Variants in PDGFRB observed in about 807,000 individuals in gnomAD.
PDGFRB encodes platelet derived growth factor receptor beta.
PDGFRB carries 42 observed loss-of-function variants against 120.2 expected under a neutral mutation model. That is an observed-to-expected ratio of 0.35 (90% CI 0.27 to 0.45). The LOEUF is 0.45. Ranked by LOEUF, PDGFRB falls within the 20% of genes least tolerant of loss-of-function variation. The probability of loss-of-function intolerance (pLI) is 1.00; values close to 1 mark genes in which losing one functional copy is unlikely to be tolerated. For missense variants in PDGFRB, 1,149 were observed against 1,476.3 expected (o/e 0.78, Z 3.63); for synonymous variants, 586 against 606.8 (o/e 0.97, Z 0.50).
rs1561994650 is a variant in PDGFRB at position 150,124,287 on chromosome 5, C to T, written c.1986G>A (p.Leu662=). The T allele has an allele frequency of 6.2e-7, 1 of 1,614,040 alleles. No individual in the cohort carries two copies. Among genetic ancestry groups the T allele is most frequent in the Non-Finnish European group, 8.5e-7 (1 of 1,179,906 alleles). The change falls in exon 14 of 23, where the codon CTG becomes CTA. Residue 662 remains leucine, a synonymous_variant. Coordinates refer to ENST00000261799, the MANE Select transcript of PDGFRB (RefSeq NM_002609.4). ...AGGCCCCCAACAGGTTGACCACGTT[C>T]AGGTGGGGCCCAAGGTGACTCATGA... The part of the protein sequence containing the change: ...LKIMSHLGPH[L]NVVNLLGACT...
At chr5:150,137,140 C>A in intron 1 of PDGFRB, 87 bp from the exon 2 acceptor site, 3 of 1,174,002 alleles carry the variant, frequency 2.6e-6, no homozygotes, top group Middle Eastern at 1.9e-4. Flanking sequence ...CAGAATGAGC[C>A]CCAGCTTGGG....
intron 1 of PDGFRB, among the ~76,000 whole-genome samples, chr5:150,151,280 T>C (rs891251838): frequency 6.6e-6 from 1 of 152,190 alleles, no homozygotes; most frequent in African/African-American, 2.4e-5. Flanking sequence ...TGGGTCAACC[T>C]CCTCGTTTGA....
At chr5:150,125,060 TATCTC>T (rs1203213628) in intron 12 of PDGFRB, among the ~76,000 whole-genome samples, 2 of 152,140 alleles carry the variant, frequency 1.3e-5, no homozygotes, top group Non-Finnish European at 2.9e-5. Context: ...TCTTTCCTGG[TATCTC>T]ATCTAAGTCC....
intron 1 of PDGFRB, among the ~76,000 whole-genome samples, chr5:150,143,929 C>T (rs999347707): frequency 6.6e-6 from 1 of 152,126 alleles, no homozygotes; most frequent in Non-Finnish European, 1.5e-5. Context: ...GCAGCCCACT[C>T]GGTGTTGGAG....
intron 1 of PDGFRB, among the ~76,000 whole-genome samples, chr5:150,142,971 A>G (rs1760822859): frequency 6.6e-6 from 1 of 152,108 alleles, no homozygotes; most frequent in Non-Finnish European, 1.5e-5. Context: ...TTAGGCTACT[A>G]CTGACCTCCA....
At chr5:150,144,263 C>T (rs1217371806) in intron 1 of PDGFRB, among the ~76,000 whole-genome samples, 3 of 152,240 alleles carry the variant, frequency 2.0e-5, no homozygotes, top group Non-Finnish European at 4.4e-5. Flanking sequence ...GTGACCTCTC[C>T]GGCCCTCCTC....
chr5:150,147,292 T>A (rs1025242842), intron 1 of PDGFRB, among the ~76,000 whole-genome samples: 11 of 151,798 alleles, frequency 7.2e-5, no homozygotes, highest in African/African-American at 2.7e-4. Context: ...CTCCGGCCGG[T>A]GCCATGGCAA....
chr5:150,117,731 G>C lies in PDGFRB; in HGVS notation c.3024C>G (p.Leu1008=), dbSNP rs752550620. 5.0e-6 allele frequency: 8 copies of C among 1,613,700 alleles called. No individual in the cohort carries two copies. The Admixed American group carries it at 6.7e-5, about 13-fold the overall frequency. Reference sequence around the variant, plus strand: ...CCTCATTGGGCTGCACGGCAGTATAGAGGACGGAGCTGGTGTCCAGGGGAG... The same window carrying C: ...CCTCATTGGGCTGCACGGCAGTATACAGGACGGAGCTGGTGTCCAGGGGAG... ...LRSPLDTSSV[L]YTAVQPNEGD... is the part of the protein sequence containing the mutation. Residue 1008 remains leucine (L), a synonymous_variant, in exon 22 of 23, where the codon CTC becomes CTG. Coordinates refer to ENST00000261799, the MANE Select transcript of PDGFRB (RefSeq NM_002609.4).
intron 1 of PDGFRB, among the ~76,000 whole-genome samples, chr5:150,151,512 C>T (rs1321790392): frequency 1.3e-5 from 2 of 152,218 alleles, no homozygotes; most frequent in Non-Finnish European, 2.9e-5. Context: ...TCCGCCACTT[C>T]CGAGCTGTGG....
At chr5:150,151,642 T>C (rs753602202) in intron 1 of PDGFRB, among the ~76,000 whole-genome samples, 1 of 152,098 alleles carries the variant, frequency 6.6e-6, no homozygotes, top group Non-Finnish European at 1.5e-5. Flanking sequence ...GCGGATCACT[T>C]GAGGTCAGGT....
At chr5:150,122,117 A>G in intron 15 of PDGFRB, 77 bp from the exon 16 acceptor site, 3 of 1,099,812 alleles carry the variant, frequency 2.7e-6, no homozygotes, top group Non-Finnish European at 4.1e-6. Flanking sequence ...CCACTCATGA[A>G]TTTCTTCTCT....
At chr5:150,126,960 G>A (rs1198922240) in intron 10 of PDGFRB, among the ~76,000 whole-genome samples, 1 of 152,182 alleles carries the variant, frequency 6.6e-6, no homozygotes, top group Admixed American at 6.5e-5. Flanking sequence ...ATTAGCCCTG[G>A]AGCCCCTGAG....
Position 150,132,768 on chromosome 5 carries a change from C to T in PDGFRB, c.1109G>A (p.Arg370His), listed in dbSNP as rs1399784936. 10 of 1,612,940 alleles carry T rather than the reference C, an allele frequency of 6.2e-6. 1 individual carries two copies. The highest frequency in any genetic ancestry group is 1.3e-5 in the African/African-American group (1 of 74,946). The change falls in exon 7 of 23, where the codon CGC becomes CAC. Residue 370 changes from arginine to histidine, a missense_variant. This residue lies in a region of PDGFRB where 879 missense variants were observed against 1,108.6 expected (regional missense o/e 0.79). Transcript: ENST00000261799. The surrounding 1 kb of genome is among the most constrained non-coding windows in gnomAD (Gnocchi z 5.0). ...TGCTCACCGGGTCTCCGACACGTTG[C>T]GCGTGGACAGGGCGATTTCGCCAGC... Reference protein sequence around the residue: ...SSAGEIALSTRNVSETRYVSE... With the variant: ...SSAGEIALSTHNVSETRYVSE...
chr5:150,144,880 GT>G (rs1299148761), intron 1 of PDGFRB, among the ~76,000 whole-genome samples: 1 of 152,192 alleles, frequency 6.6e-6, no homozygotes, highest in Admixed American at 6.5e-5. Flanking sequence ...CTGGCCCTGA[GT>G]CCCCCCACCC....
chr5:150,153,991 A>T (rs1289283195), intron 1 of PDGFRB: 1 of 151,886 alleles, frequency 6.6e-6, no homozygotes, highest in Admixed American at 6.6e-5. Flanking sequence ...GAAACCTTAA[A>T]CCTTTCCCCA....
rs546647851 is a variant in PDGFRB at position 150,133,621 on chromosome 5, T to A, written c.899A>T (p.His300Leu). The A allele has an allele frequency of 3.1e-6, 5 of 1,614,134 alleles. No individual in the cohort carries two copies. Among genetic ancestry groups the A allele is most frequent in the East Asian group, 2.2e-5 (1 of 44,878 alleles). The change falls in exon 6 of 23, where the codon CAT becomes CTT. Residue 300 changes from histidine (H) to leucine (L), a missense_variant. His to Leu is a moderately conservative substitution (Grantham distance 99). Coordinates refer to ENST00000261799, the MANE Select transcript of PDGFRB (RefSeq NM_002609.4). ...GATGTTGATGGCCTTTTCATCCTGA[T>A]GGTCATTCACACTCTCCGTCACATT... ...TCNVTESVND[H>L]QDEKAINITV...
intron 4 of PDGFRB, 146 bp downstream of exon 4, chr5:150,134,604 A>C (rs1562010488): frequency 4.0e-6 from 3 of 750,140 alleles, no homozygotes; most frequent in African/African-American, 1.8e-5. Flanking sequence ...CTTCTGTAAC[A>C]TGGGGAAAAC....
chr5:150,149,577 T>C (rs535820920), intron 1 of PDGFRB, among the ~76,000 whole-genome samples: 35 of 152,326 alleles, frequency 2.3e-4, no homozygotes, highest in African/African-American at 8.2e-4. Context: ...ATTTATCTAG[T>C]GATTATTTCA....
At chr5:150,130,090 G>C (rs1205623017) in intron 9 of PDGFRB, 122 bp from the exon 10 acceptor site, 1 of 784,224 alleles carries the variant, frequency 1.3e-6, no homozygotes, top group Non-Finnish European at 2.1e-6. Flanking sequence ...GCCTGTTTCC[G>C]AGCGGGCTCC....
Sources: gnomAD v4.1 joint callset for allele counts (sites outside exome capture counted in the v4.1 genomes callset) on GRCh38, gnomAD v4.1.1 for gene constraint, gnomAD v4.1.1 regional missense constraint, Gnocchi (gnomAD v3.1) non-coding constraint, MANE v1.5 for transcripts, NCBI Gene and HGNC (gene_info 2026-07-23, HGNC 2026-07-21) for gene names.